FRK: variants seen among roughly 807,000 people sequenced by gnomAD.
FRK encodes the protein tyrosine-protein kinase FRK.
Under a neutral mutation model 56.4 loss-of-function variants are expected in FRK, and 51 were observed. That is an observed-to-expected ratio of 0.90 (90% confidence interval 0.72 to 1.14). The LOEUF (loss-of-function observed/expected upper bound fraction) is 1.14. Ranked by LOEUF, FRK falls within the 50% of genes most tolerant of loss-of-function variation. The pLI is 0.00. For synonymous variants in FRK, 245 were observed against 217.9 expected (o/e 1.12, Z -1.10); for missense variants, 570 against 601.4 (o/e 0.95, Z 0.55).
intron 2 of FRK, among the ~76,000 whole-genome samples, chr6:115,987,294 A>C (rs922053686): frequency 5.9e-5 from 9 of 152,010 alleles, no homozygotes; most frequent in Non-Finnish European, 1.0e-4. Flanking sequence ...GGAGAGGCTA[A>C]GTGACTTGCC....
intron 2 of FRK, among the ~76,000 whole-genome samples, chr6:115,985,508 G>A (rs1401769278): frequency 6.6e-6 from 1 of 151,968 alleles, no homozygotes; most frequent in African/African-American, 2.4e-5. Context: ...CTTTTTTATT[G>A]TACAATGGGG....
chr6:115,981,417 T>C (rs1279517183), intron 2 of FRK, among the ~76,000 whole-genome samples: 2 of 152,122 alleles, frequency 1.3e-5, no homozygotes, highest in Admixed American at 6.6e-5. Context: ...ATATGAGTGA[T>C]AGTAGAAACA....
chr6:116,001,578 T>C (rs1044999467), intron 2 of FRK, among the ~76,000 whole-genome samples: 1 of 152,150 alleles, frequency 6.6e-6, no homozygotes, highest in Non-Finnish European at 1.5e-5. Flanking sequence ...CAATCATGAC[T>C]CAGCTGTATC....
Position 115,968,699 on chromosome 6 carries a change from T to G in FRK, c.507A>C (p.Arg169Ser). The change falls in exon 3 of 8, where the codon AGA becomes AGC. Residue 169 changes from arginine (R) to serine (S), a missense_variant. Arg to Ser is a moderately radical substitution (Grantham distance 110). Coordinates refer to ENST00000606080, the MANE Select transcript of FRK (RefSeq NM_002031.3). Reference protein sequence around the residue: ...GAVVKHYRIKRLDEGGFFLTR... With the variant: ...GAVVKHYRIKSLDEGGFFLTR... The stretch of plus-strand genomic sequence containing the variant: ...TGAGAAAAAATCCCCCTTCATCCAG[T>G]CTTTTAATTCTGTAGTGTTTTACAA... 1 of 1,613,852 alleles carries G rather than the reference T, an allele frequency of 6.2e-7. No homozygotes were observed. The highest frequency in any genetic ancestry group is 8.5e-7 in the Non-Finnish European group (1 of 1,179,826).
In FRK at chr6:116,013,740, A is replaced by C. The variant is rs80244049; in HGVS notation, c.345-9742T>G. Among the ~76,000 whole-genome samples the C allele has an allele frequency of 4.1e-4, 62 of 152,288 alleles. 1 individual carries two copies. The East Asian group carries it at 8.1e-3, about 20-fold the overall frequency. ...ACAGGACACTAATTTCAGAAATGAC[A>C]GTCCCAAAGACCAAAGACCAAACTC... On this transcript the variant is annotated intron_variant, in intron 1 of 7. Coordinates refer to ENST00000606080, the MANE Select transcript of FRK (RefSeq NM_002031.3).
At chr6:115,976,051 T>C (rs1773980291) in intron 2 of FRK, among the ~76,000 whole-genome samples, 2 of 152,096 alleles carry the variant, frequency 1.3e-5, no homozygotes, top group African/African-American at 4.8e-5. Flanking sequence ...TGAGATCTAG[T>C]TGGGGTCTGA....
intron 1 of FRK, among the ~76,000 whole-genome samples, chr6:116,046,843 A>G (rs1054329732): frequency 1.3e-5 from 2 of 152,152 alleles, no homozygotes; most frequent in East Asian, 1.9e-4. Context: ...TTTCTTTTTT[A>G]AAATAGTACT....
the FRK span, among the ~76,000 whole-genome samples, chr6:116,086,987 T>C: frequency 1.3e-5 from 2 of 152,204 alleles, no homozygotes; most frequent in African/African-American, 2.4e-5. Flanking sequence ...CTTGATGTCG[T>C]TTCTAAAGGT....
intron 1 of FRK, among the ~76,000 whole-genome samples, chr6:116,028,521 G>T (rs1259474320): frequency 1.3e-5 from 2 of 152,130 alleles, no homozygotes; most frequent in Admixed American, 6.6e-5. Context: ...CAGCATGTTA[G>T]CTCCTTCTGC....
At chr6:116,043,077 A>G (rs1351071984) in intron 1 of FRK, among the ~76,000 whole-genome samples, 1 of 152,236 alleles carries the variant, frequency 6.6e-6, no homozygotes, top group Admixed American at 6.5e-5. Context: ...GAGCACCCAG[A>G]TTCATAAAGC....
the FRK span, among the ~76,000 whole-genome samples, chr6:116,079,006 T>C: frequency 6.6e-6 from 1 of 152,230 alleles, no homozygotes; most frequent in Non-Finnish European, 1.5e-5. Flanking sequence ...GTGGATATTC[T>C]ATAACTGTGT....
chr6:116,015,191 G>A (rs1399581709), intron 1 of FRK, among the ~76,000 whole-genome samples: 1 of 152,164 alleles, frequency 6.6e-6, no homozygotes, highest in East Asian at 1.9e-4. Flanking sequence ...GGGACCTGGT[G>A]GGAGATGACT....
At chr6:116,010,215 A>G (rs1461116076) in intron 1 of FRK, among the ~76,000 whole-genome samples, 1 of 134,888 alleles carries the variant, frequency 7.4e-6, no homozygotes, top group East Asian at 2.0e-4. Flanking sequence ...TTCTGTCTCG[A>G]AAAAAAAAAA....
the FRK span, among the ~76,000 whole-genome samples, chr6:116,089,098 C>G: frequency 6.6e-6 from 1 of 152,182 alleles, no homozygotes; most frequent in Non-Finnish European, 1.5e-5. Flanking sequence ...ATTATTTATA[C>G]TGCTATTACC....
intron 1 of FRK, among the ~76,000 whole-genome samples, chr6:116,014,570 A>C (rs992379669): frequency 3.9e-5 from 6 of 151,992 alleles, no homozygotes; most frequent in Admixed American, 3.3e-4. Context: ...AAAAAAAAAA[A>C]CCCAAGAAAT....
chr6:116,062,559 T>C (rs1370327400), upstream of FRK, among the ~76,000 whole-genome samples: 1 of 152,112 alleles, frequency 6.6e-6, no homozygotes, highest in African/African-American at 2.4e-5. Context: ...GATTTTTGAA[T>C]TGTCGGGGTT....
chr6:116,024,137 C>T (rs1775985601), intron 1 of FRK, among the ~76,000 whole-genome samples: 1 of 151,774 alleles, frequency 6.6e-6, no homozygotes, highest in Non-Finnish European at 1.5e-5. Context: ...TTCCTGGCTC[C>T]TGCTTCCTTA....
rs1390621170 is a variant in FRK at position 115,933,499 on chromosome 6, C to A, written c.*8915G>T. The A allele has an allele frequency of 6.6e-6, 1 of 152,130 alleles. No homozygotes were observed. Among genetic ancestry groups the A allele is most frequent in the East Asian group, 1.9e-4 (1 of 5,208 alleles). The allele number at this position is 152,130 out of a possible 1,614,324, so 9.4% of individuals were successfully genotyped here. The stretch of plus-strand genomic sequence containing the variant: ...AGAATAATAGATTGCTTTGACAGAA[C>A]CTTGAACATAAATGTCCCCAAGAAT... On this transcript the variant is annotated 3_prime_UTR_variant, in exon 8 of 8. Coordinates refer to ENST00000606080, the MANE Select transcript of FRK (RefSeq NM_002031.3).
Position 115,968,652 on chromosome 6 carries a change from G to A in FRK, c.554C>T (p.Thr185Ile). ...FFLTRRRIFS[T>I]LNEFVSHYTK... ...GTAGTGGCTCACAAATTCGTTCAGT[G>A]TTGAAAAGATTCTTCTTCGCGTGAG... Residue 185 changes from threonine (T) to isoleucine (I), a missense_variant, in exon 3 of 8, where the codon ACA (threonine) becomes ATA (isoleucine). Transcript: ENST00000606080. The A allele has an allele frequency of 1.2e-5, 19 of 1,613,776 alleles. No individual in the cohort carries two copies. The highest frequency in any genetic ancestry group is 1.6e-5 in the Non-Finnish European group (19 of 1,179,780).
Sources: gnomAD v4.1 joint callset for allele counts (sites outside exome capture counted in the v4.1 genomes callset) on GRCh38, gnomAD v4.1.1 for gene constraint, MANE v1.5 for transcripts, NCBI Gene and HGNC (gene_info 2026-07-23, HGNC 2026-07-21) for gene names.